LRP1B: variants seen among roughly 807,000 people sequenced by gnomAD.
The protein encoded by LRP1B is low-density lipoprotein receptor-related protein 1B.
A neutral mutation model predicts 556.6 loss-of-function variants in LRP1B; 217 were observed. The observed-to-expected ratio is 0.39, with a 90% CI of 0.35 to 0.44. The LOEUF (loss-of-function observed/expected upper bound fraction) is 0.44, where lower values mean the gene tolerates loss of function less well. Among genes scored for constraint, LRP1B ranks in the 20% least tolerant of loss-of-function variants. LRP1B has a pLI of 1.00. For missense variants in LRP1B, 5,053 were observed against 5,620.8 expected, an observed-to-expected ratio of 0.90 and a Z score of 3.23; for synonymous variants, 2,047 against 1,865.8, an observed-to-expected ratio of 1.10 and a Z score of -2.50.
chr2:140,663,378 A>G lies in LRP1B; in HGVS notation c.6799+36872T>C, dbSNP rs150543931. ...CAAGATCCACACATATCTGATATAAACAGAAGTTTACTGTAGCCAGCTTCA... is the reference window on the plus strand; with the variant it reads ...CAAGATCCACACATATCTGATATAAGCAGAAGTTTACTGTAGCCAGCTTCA... On this transcript the variant is annotated intron_variant, in intron 41 of 90. Coordinates refer to ENST00000389484, the MANE Select transcript of LRP1B (RefSeq NM_018557.3). Among the ~76,000 whole-genome samples the G allele has an allele frequency of 3.2e-3, 494 of 152,298 alleles. 2 individuals carry two copies. The highest frequency in any genetic ancestry group is 0.012 in the African/African-American group (480 of 41,566).
intron 43 of LRP1B, among the ~76,000 whole-genome samples, chr2:140,588,708 G>A (rs1167518170): frequency 1.3e-5 from 2 of 152,244 alleles, no homozygotes; most frequent in East Asian, 3.9e-4. Flanking sequence ...GCTCGTGCCT[G>A]TAATCCCAGC....
At chr2:140,616,540 T>C (rs2105238752) in intron 41 of LRP1B, among the ~76,000 whole-genome samples, 1 of 151,106 alleles carries the variant, frequency 6.6e-6, no homozygotes, top group African/African-American at 2.4e-5. Flanking sequence ...TTCTAAATGA[T>C]AAAGTCATTC....
intron 37 of LRP1B, among the ~76,000 whole-genome samples, chr2:140,705,007 T>C (rs1351765020): frequency 6.6e-6 from 1 of 152,048 alleles, no homozygotes; most frequent in Admixed American, 6.6e-5. Context: ...CTCACAGCTA[T>C]GGTAATTATG....
At chr2:140,234,412 G>A (rs1028629944) in intron 90 of LRP1B, among the ~76,000 whole-genome samples, 6 of 151,078 alleles carry the variant, frequency 4.0e-5, no homozygotes, top group East Asian at 2.0e-4. Flanking sequence ...TTAACTGCAC[G>A]TCAAATTTGT....
rs1416356591 is a variant in LRP1B at position 141,763,625 on chromosome 2, G to T, written c.205+46654C>A. ...GACATGATGGCCAGGTTTCAGTATG[G>T]TGTACAATTTTATATATTGCTGGTG... is the stretch of plus-strand genomic sequence containing the variant. On this transcript the variant is annotated intron_variant, in intron 2 of 90. Coordinates refer to ENST00000389484, the MANE Select transcript of LRP1B (RefSeq NM_018557.3). Among the ~76,000 whole-genome samples the T allele has an allele frequency of 2.6e-5, 4 of 152,042 alleles. No individual in the cohort carries two copies. In the South Asian group the frequency reaches 8.3e-4, roughly 31 times the overall value.
intron 3 of LRP1B, among the ~76,000 whole-genome samples, chr2:141,468,330 T>C (rs983970496): frequency 6.6e-6 from 1 of 152,066 alleles, no homozygotes; most frequent in Non-Finnish European, 1.5e-5. Flanking sequence ...GTTTTGAAAA[T>C]GGGAACAAAT....
chr2:140,627,674 G>T (rs12474910), intron 41 of LRP1B, among the ~76,000 whole-genome samples: 34,776 of 151,980 alleles, frequency 0.23, 4,313 homozygotes, highest in Admixed American at 0.3. Context: ...CACATATACA[G>T]CTATCCTATT....
At chr2:141,829,079 GTAAGACATCGTT>G (rs569997420) in intron 1 of LRP1B, among the ~76,000 whole-genome samples, 268 of 152,000 alleles carry the variant, frequency 1.8e-3, no homozygotes, top group Non-Finnish European at 1.4e-3. Flanking sequence ...TCAAGCGAGA[GTAAGACATCGTT>G]ATATGTTAGC....
chr2:140,569,458 A>G (rs1681243742), intron 43 of LRP1B, among the ~76,000 whole-genome samples: 1 of 151,910 alleles, frequency 6.6e-6, no homozygotes, highest in African/African-American at 2.4e-5. Context: ...AAAGTGTGAA[A>G]AGAGACAAAG....
At chr2:141,562,806 A>G (rs1184232483) in intron 2 of LRP1B, among the ~76,000 whole-genome samples, 1 of 152,056 alleles carries the variant, frequency 6.6e-6, no homozygotes, top group African/African-American at 2.4e-5. Flanking sequence ...ATTAGACTCC[A>G]TTCTGTAGAC....
At chr2:142,121,312 A>G (rs954746019) in intron 1 of LRP1B, among the ~76,000 whole-genome samples, 2 of 152,084 alleles carry the variant, frequency 1.3e-5, no homozygotes, top group Non-Finnish European at 2.9e-5. Context: ...CATCATTTTC[A>G]CCTCTGATTA....
At chr2:140,247,021 A>G (rs935848352) in intron 87 of LRP1B, 65 bp downstream of exon 87, 1 of 1,158,550 alleles carries the variant, frequency 8.6e-7, no homozygotes, top group Non-Finnish European at 1.3e-6. Flanking sequence ...ATCTCACTCA[A>G]TAATGACATA....
intron 43 of LRP1B, among the ~76,000 whole-genome samples, chr2:140,593,013 A>C (rs1027182783): frequency 1.3e-5 from 2 of 152,066 alleles, no homozygotes; most frequent in African/African-American, 4.8e-5. Flanking sequence ...TAAAAAGATA[A>C]AATATCTCAT....
chr2:142,071,081 G>T (rs1465017082), intron 1 of LRP1B, among the ~76,000 whole-genome samples: 1 of 151,856 alleles, frequency 6.6e-6, no homozygotes, highest in East Asian at 1.9e-4. Flanking sequence ...ATGTTGTGGG[G>T]GTTGGGAATG....
At chr2:141,802,064 G>C (rs80279927) in intron 2 of LRP1B, among the ~76,000 whole-genome samples, 16,301 of 152,066 alleles carry the variant, frequency 0.11, 1,117 homozygotes, top group African/African-American at 0.19. Flanking sequence ...TTGTTTGCTT[G>C]TAAATGGCCA....
chr2:141,570,094 A>T (rs1211924056), intron 2 of LRP1B, among the ~76,000 whole-genome samples: 1 of 150,762 alleles, frequency 6.6e-6, no homozygotes, highest in Non-Finnish European at 1.5e-5. Context: ...GGTGGGGCCG[A>T]GATGACTGAC....
chr2:140,424,252 G>A (rs1207964964), intron 66 of LRP1B, among the ~76,000 whole-genome samples: 1 of 152,064 alleles, frequency 6.6e-6, no homozygotes, highest in South Asian at 2.1e-4. Flanking sequence ...ACCCAAAAAA[G>A]TTAATCCAAA....
At chr2:141,624,082 T>C (rs1349488027) in intron 2 of LRP1B, among the ~76,000 whole-genome samples, 8 of 136,218 alleles carry the variant, frequency 5.9e-5, no homozygotes, top group Non-Finnish European at 1.6e-5. Flanking sequence ...ACATAATATA[T>C]ACATGGCATG....
intron 36 of LRP1B, among the ~76,000 whole-genome samples, 164 bp downstream of exon 36, chr2:140,716,518 A>C (rs2105463212): frequency 6.6e-6 from 1 of 152,240 alleles, no homozygotes; most frequent in South Asian, 2.1e-4. Flanking sequence ...AAGGCTCAAA[A>C]ACATTAGAAG....
Sources: gnomAD v4.1 joint callset for allele counts (sites outside exome capture counted in the v4.1 genomes callset) on GRCh38, gnomAD v4.1.1 for gene constraint, MANE v1.5 for transcripts, NCBI Gene and HGNC (gene_info 2026-07-23, HGNC 2026-07-21) for gene names.